Variants in SMPD3 observed in about 807,000 individuals in gnomAD.
SMPD3 encodes sphingomyelin phosphodiesterase 3.
Under a neutral mutation model 55.7 loss-of-function variants are expected in SMPD3, and 21 were observed. The ratio of observed to expected loss-of-function variants is 0.38; its 90% CI spans 0.27 to 0.54. The LOEUF is 0.54. Among genes scored for constraint, SMPD3 ranks in the 20% least tolerant of loss-of-function variants. SMPD3 has a pLI of 0.80. For synonymous variants in SMPD3, 457 were observed against 404.3 expected (o/e 1.13, Z -1.56); for missense variants, 842 against 899.6 (o/e 0.94, Z 0.82).
At chr16:68,425,101 T>C (rs574499471) in intron 1 of SMPD3, among the ~76,000 whole-genome samples, 53 of 152,354 alleles carry the variant, frequency 3.5e-4, no homozygotes, top group African/African-American at 1.2e-3. Context: ...AAGAGAGGCC[T>C]GGGCCTCAGC....
chr16:68,425,884 C>T (rs1552751), intron 1 of SMPD3, among the ~76,000 whole-genome samples: 115,779 of 152,024 alleles, frequency 0.76, 44,386 homozygotes, highest in East Asian at 0.88. Context: ...TGCACTATGC[C>T]GCGAGGAAGT....
At chr16:68,401,183 C>T (rs1407919983) in intron 1 of SMPD3, among the ~76,000 whole-genome samples, 1 of 152,190 alleles carries the variant, frequency 6.6e-6, no homozygotes, top group Admixed American at 6.5e-5. Flanking sequence ...TGGGCACTTT[C>T]CACAGCATCC....
At chr16:68,381,459 G>A (rs2089950026) in intron 2 of SMPD3, among the ~76,000 whole-genome samples, 1 of 152,136 alleles carries the variant, frequency 6.6e-6, no homozygotes, top group Non-Finnish European at 1.5e-5. Flanking sequence ...ACTTCCTCTG[G>A]CCCCTGGAGC....
chr16:68,361,383 C>T (rs2089255691), intron 8 of SMPD3, 76 bp from the exon 9 acceptor site: 1 of 1,499,540 alleles, frequency 6.7e-7, no homozygotes, highest in East Asian at 2.4e-5. Flanking sequence ...CCTGGGGATC[C>T]CCAAAGTGAG....
At chr16:68,432,673 C>T (rs1315866328) in intron 1 of SMPD3, among the ~76,000 whole-genome samples, 2 of 152,178 alleles carry the variant, frequency 1.3e-5, no homozygotes, top group African/African-American at 4.8e-5. Context: ...ACCAGCAAAT[C>T]TCAGTGGGGG....
At chr16:68,417,780 A>G (rs2090350771) in intron 1 of SMPD3, among the ~76,000 whole-genome samples, 2 of 152,174 alleles carry the variant, frequency 1.3e-5, no homozygotes, top group South Asian at 4.1e-4. Flanking sequence ...GCTCCGTCTG[A>G]GCTGCCTCAA....
chr16:68,366,946 C>T (rs2089496520), intron 3 of SMPD3, among the ~76,000 whole-genome samples: 1 of 149,828 alleles, frequency 6.7e-6, no homozygotes, highest in South Asian at 2.1e-4. Context: ...AGGCGGAGGT[C>T]ACAGTGAGCC....
intron 1 of SMPD3, among the ~76,000 whole-genome samples, chr16:68,442,365 T>C (rs2090573212): frequency 6.6e-6 from 1 of 152,210 alleles, no homozygotes; most frequent in Non-Finnish European, 1.5e-5. Context: ...CAGCACACAT[T>C]ATTTCAGGGT....
At chr16:68,365,237 G>A (rs1428690729) in intron 3 of SMPD3, 145 bp from the exon 4 acceptor site, 1 of 756,120 alleles carries the variant, frequency 1.3e-6, no homozygotes, top group Non-Finnish European at 2.2e-6. Flanking sequence ...GTAGGGACAG[G>A]ATGTGTCCTG....
chr16:68,361,177 C>G lies in SMPD3; in HGVS notation c.*29G>C, dbSNP rs1298370264. The G allele has an allele frequency of 8.2e-6, 13 of 1,594,740 alleles. No individual in the cohort carries two copies. The highest frequency in any genetic ancestry group is 1.1e-5 in the Non-Finnish European group (13 of 1,165,180). Reference sequence around the variant, plus strand: ...CAGGGATGGGCTGCAGCTGCAAGGGCTGGCAGAGGCCCCGCTGCTCCGGAC... The same window carrying G: ...CAGGGATGGGCTGCAGCTGCAAGGGGTGGCAGAGGCCCCGCTGCTCCGGAC... On this transcript the variant is annotated 3_prime_UTR_variant, in exon 9 of 9. Coordinates refer to ENST00000219334, the MANE Select transcript of SMPD3 (RefSeq NM_018667.4).
intron 1 of SMPD3, among the ~76,000 whole-genome samples, chr16:68,408,773 G>A (rs1212944482): frequency 6.6e-6 from 1 of 152,198 alleles, no homozygotes; most frequent in African/African-American, 2.4e-5. Context: ...CTCCAGGAGG[G>A]CAAAAACACA....
rs2090622943 is a variant in SMPD3, at chr16:68,447,910, C to A, written c.-269+443G>T. On this transcript the variant is annotated intron_variant, in intron 1 of 8. Coordinates refer to ENST00000219334, the MANE Select transcript of SMPD3 (RefSeq NM_018667.4). This position sits in a 1 kb window ranked among gnomAD's most constrained non-coding sequence, Gnocchi z 5.1. The stretch of plus-strand genomic sequence containing the variant: ...CCTGGGAGGGTCTGGGCTAGGGGAG[C>A]GGTCCGCGATCTCATCCATCACCAC... 6.6e-6 allele frequency among the ~76,000 whole-genome samples: 1 copy of A among 151,954 alleles called. No homozygotes were observed.
In SMPD3 at chr16:68,364,826, T is replaced by C. The variant is rs1307579132; in HGVS notation, c.1480A>G (p.Ser494Gly). Residue 494 changes from serine to glycine, a missense_variant, in exon 5 of 9, where the codon AGC (serine) becomes GGC (glycine). By Grantham distance (56) the Ser-to-Gly change is moderately conservative. Around this residue, in one of 2 missense-constraint regions of SMPD3, gnomAD observed 649 missense variants for 643.6 expected, o/e 1.01. Transcript: ENST00000219334. ...ADFRKSTSSS[S>G]AANPEELVAF... The stretch of plus-strand genomic sequence containing the variant: ...ACCAGCTCCTCGGGGTTGGCTGCGC[T>C]GGACGAGGAGGTAGATTTTCGGAAA... The C allele has an allele frequency of 1.2e-6, 2 of 1,613,772 alleles. No homozygotes were observed. The highest frequency in any genetic ancestry group is 2.7e-5 in the African/African-American group (2 of 74,928).
At chr16:68,420,912 C>T (rs1044897733) in intron 1 of SMPD3, among the ~76,000 whole-genome samples, 4 of 152,238 alleles carry the variant, frequency 2.6e-5, no homozygotes, top group Admixed American at 6.5e-5. Context: ...ATCGCTCCCT[C>T]AGCAAGCTAT....
At chr16:68,375,276 T>G (rs1314177475) in intron 2 of SMPD3, among the ~76,000 whole-genome samples, 1 of 141,040 alleles carries the variant, frequency 7.1e-6, no homozygotes, top group East Asian at 2.0e-4. Flanking sequence ...GGGCCCTTTG[T>G]GCTTCTGCCT....
intron 2 of SMPD3, among the ~76,000 whole-genome samples, chr16:68,378,184 G>A (rs903683415): frequency 1.3e-5 from 2 of 152,204 alleles, no homozygotes; most frequent in Admixed American, 1.3e-4. Flanking sequence ...GAAAAGCCAC[G>A]TGGATTGCTC....
At chr16:68,415,951 T>A (rs2090335704) in intron 1 of SMPD3, among the ~76,000 whole-genome samples, 2 of 152,176 alleles carry the variant, frequency 1.3e-5, no homozygotes, top group African/African-American at 4.8e-5. Flanking sequence ...TCCAACGGCC[T>A]GATTTAGTAT....
Position 68,361,075 on chromosome 16 carries a change from G to T in SMPD3, c.*131C>A. On this transcript the variant is annotated 3_prime_UTR_variant, in exon 9 of 9. Transcript: ENST00000219334. ...AGAGCAGCGCAGCTTCCAGGTTCCC[G>T]GGCACTGACTGTGGCTCCCTCCCTG... 1 of 806,158 alleles carries T rather than the reference G, an allele frequency of 1.2e-6. No homozygotes were observed. The highest frequency in any genetic ancestry group is 1.9e-6 in the Non-Finnish European group (1 of 515,322). The allele number at this position is 806,158 out of a possible 1,614,324, so 49.9% of individuals were successfully genotyped here.
chr16:68,374,408 C>T (rs1348176220), intron 2 of SMPD3, among the ~76,000 whole-genome samples: 1 of 152,060 alleles, frequency 6.6e-6, no homozygotes. Flanking sequence ...GAAGCCAACA[C>T]TGGACGGGTG....
Sources: gnomAD v4.1 joint callset for allele counts (sites outside exome capture counted in the v4.1 genomes callset) on GRCh38, gnomAD v4.1.1 for gene constraint, gnomAD v4.1.1 regional missense constraint, Gnocchi (gnomAD v3.1) non-coding constraint, MANE v1.5 for transcripts, NCBI Gene and HGNC (gene_info 2026-07-23, HGNC 2026-07-21) for gene names.